Variants in PTPRN2 observed in about 807,000 individuals in gnomAD.
PTPRN2 encodes the protein protein tyrosine phosphatase receptor type N2.
Under a neutral mutation model 118.8 loss-of-function variants are expected in PTPRN2, and 74 were observed. The observed-to-expected ratio is 0.62, with a 90% confidence interval of 0.52 to 0.76. The LOEUF (loss-of-function observed/expected upper bound fraction) is 0.76. Ranked by LOEUF, PTPRN2 falls within the 30% of genes least tolerant of loss-of-function variation. The pLI is 0.00. For synonymous variants in PTPRN2, 641 were observed against 608.0 expected, an observed-to-expected ratio of 1.05 and a Z score of -0.80; for missense variants, 1,481 against 1,394.4, an observed-to-expected ratio of 1.06 and a Z score of -0.99.
chr7:158,530,869 C>G (rs1020616282), intron 1 of PTPRN2, among the ~76,000 whole-genome samples: 1 of 152,130 alleles, frequency 6.6e-6, no homozygotes, highest in Admixed American at 6.5e-5. Context: ...CCAGGAAGGA[C>G]GTTCACTCAG....
chr7:158,336,763 C>G (rs1437062604), intron 2 of PTPRN2, among the ~76,000 whole-genome samples: 1 of 103,746 alleles, frequency 9.6e-6, no homozygotes, highest in Non-Finnish European at 2.2e-5. Flanking sequence ...CCCACAGTCT[C>G]ACCATAAGAG....
chr7:158,279,511 G>A (rs550572602), intron 3 of PTPRN2, among the ~76,000 whole-genome samples: 13 of 152,294 alleles, frequency 8.5e-5, no homozygotes, highest in African/African-American at 3.1e-4. Context: ...GAGGGGAAGC[G>A]AGAAAGAGAC....
chr7:158,140,367 C>T (rs372040837), intron 6 of PTPRN2, among the ~76,000 whole-genome samples: 2 of 152,248 alleles, frequency 1.3e-5, no homozygotes, highest in African/African-American at 2.4e-5. Flanking sequence ...AGTATTTACC[C>T]GAGAGAAGTG....
chr7:158,115,597 C>A (rs746042336), intron 9 of PTPRN2, among the ~76,000 whole-genome samples: 1 of 152,086 alleles, frequency 6.6e-6, no homozygotes, highest in Non-Finnish European at 1.5e-5. Flanking sequence ...CTACAAGAGG[C>A]TCTGTAGATC....
chr7:157,645,280 G>A (rs1048956945), intron 14 of PTPRN2, among the ~76,000 whole-genome samples: 3 of 152,202 alleles, frequency 2.0e-5, no homozygotes, highest in African/African-American at 4.8e-5. Context: ...TCAGTCTCAC[G>A]CAAGCCAGAG....
intron 3 of PTPRN2, among the ~76,000 whole-genome samples, chr7:158,280,915 C>T (rs1327251319): frequency 6.6e-6 from 1 of 152,218 alleles, no homozygotes; most frequent in Non-Finnish European, 1.5e-5. Flanking sequence ...CCTGCGCCGG[C>T]CCACGGCTAC....
chr7:158,515,352 AATTTTTTTATTTTCAGTAG>A (rs1823471698), intron 1 of PTPRN2, among the ~76,000 whole-genome samples: 1 of 151,730 alleles, frequency 6.6e-6, no homozygotes, highest in Admixed American at 6.6e-5. Context: ...ATGCCTGGCT[AATTTTTTTATTTTCAGTAG>A]AGATGGGGTT....
At position 158,351,943 on chromosome 7, in the gene PTPRN2, ACCGCTCCCCTCCTGT is replaced by A. The variant is rs1563190446; in HGVS notation, c.164-35026_164-35012del. ...TCCCCTCCTGTCCGCTCCCCTCCTG[ACCGCTCCCCTCCTGT>A]CCGCTCCCCTCCTGACCGCTCCCCT... On this transcript the variant is annotated intron_variant, in intron 2 of 22. Transcript: ENST00000389418. 6.4e-3 allele frequency among the ~76,000 whole-genome samples: 63 copies of A among 9,784 alleles called. 1 individual carries two copies. The highest frequency in any genetic ancestry group is 0.014 in the African/African-American group (40 of 2,820). 6.4% of individuals were successfully genotyped at this position (9,784 alleles called of 152,430 possible). A position where few individuals can be genotyped will look rare whatever the true frequency, so the allele number is the denominator to read the frequency against.
At chr7:157,781,451 G>T (rs1378236212) in intron 12 of PTPRN2, among the ~76,000 whole-genome samples, 2 of 152,164 alleles carry the variant, frequency 1.3e-5, no homozygotes, top group Non-Finnish European at 2.9e-5. Flanking sequence ...ATCGAATCAG[G>T]CCAGACTCGA....
chr7:158,312,109 C>T (rs985402615), intron 3 of PTPRN2, among the ~76,000 whole-genome samples: 1 of 105,752 alleles, frequency 9.5e-6, no homozygotes, highest in Non-Finnish European at 1.9e-5. Context: ...ATGTAGACGC[C>T]CACACAAGGC....
At chr7:158,031,115 C>T (rs1472477822) in intron 11 of PTPRN2, 1 of 152,240 alleles carries the variant, frequency 6.6e-6, no homozygotes, top group Non-Finnish European at 1.5e-5. Flanking sequence ...ATGAATAAAA[C>T]ACTACTTGCT....
At chr7:157,756,089 T>A (rs1801762153) in intron 12 of PTPRN2, among the ~76,000 whole-genome samples, 1 of 152,148 alleles carries the variant, frequency 6.6e-6, no homozygotes, top group African/African-American at 2.4e-5. Context: ...TAACCAAAAA[T>A]ATACTTGTGA....
Position 157,743,563 on chromosome 7 carries a change from C to A in PTPRN2, c.1789-60626G>T, listed in dbSNP as rs1043428262. On this transcript the variant is annotated intron_variant, in intron 12 of 22. Transcript: ENST00000389418. ...CAGGTTGGCTGAGTTGGGCTCCTGG[C>A]AAGCCATGGCTGGGATAGCTATCTC... 8.6e-5 allele frequency among the ~76,000 whole-genome samples: 13 copies of A among 151,698 alleles called. No homozygotes were observed. The East Asian group carries it at 1.9e-3, about 23-fold the overall frequency.
intron 11 of PTPRN2, among the ~76,000 whole-genome samples, chr7:158,009,793 A>C (rs75588914): frequency 0.023 from 3,549 of 152,344 alleles, 132 homozygotes; most frequent in African/African-American, 0.082. Flanking sequence ...AGGTAACACC[A>C]ACCAAGCATT....
intron 11 of PTPRN2, among the ~76,000 whole-genome samples, chr7:157,920,829 A>G (rs372769943): frequency 6.6e-6 from 1 of 152,176 alleles, no homozygotes; most frequent in African/African-American, 2.4e-5. Flanking sequence ...TACAAAGAAA[A>G]TCTAGGTGAC....
chr7:157,605,871 C>G (rs538445815), intron 15 of PTPRN2, among the ~76,000 whole-genome samples: 2 of 152,384 alleles, frequency 1.3e-5, no homozygotes, highest in South Asian at 2.1e-4. Flanking sequence ...AGTTCCCACT[C>G]TGATCCACAG....
chr7:157,613,560 C>T (rs1802531686), intron 15 of PTPRN2, among the ~76,000 whole-genome samples: 1 of 152,230 alleles, frequency 6.6e-6, no homozygotes, highest in Non-Finnish European at 1.5e-5. Flanking sequence ...GGGCGGGCTC[C>T]TCGCTGAGCC....
At position 158,412,312 on chromosome 7, in the gene PTPRN2, C is replaced by A. The variant is rs374186980; in HGVS notation, c.163+77423G>T. Among the ~76,000 whole-genome samples the A allele has an allele frequency of 2.9e-5, 3 of 104,722 alleles. 1 individual carries two copies. Among genetic ancestry groups the A allele is most frequent in the South Asian group, 4.4e-4 (1 of 2,294 alleles). The allele number at this position is 104,722 out of a possible 152,430, so 68.7% of individuals were successfully genotyped here. A position where few individuals can be genotyped will look rare whatever the true frequency, so the allele number is the denominator to read the frequency against. ...CTCCTCAACACCAGGGCCCATCCAGCGCCCTCCTCAGCACCAGGGCCCATC... is the reference window on the plus strand; with the variant it reads ...CTCCTCAACACCAGGGCCCATCCAGAGCCCTCCTCAGCACCAGGGCCCATC... On this transcript the variant is annotated intron_variant, in intron 2 of 22. Transcript: ENST00000389418.
At chr7:158,424,232 C>T (rs936889552) in intron 2 of PTPRN2, among the ~76,000 whole-genome samples, 2 of 152,182 alleles carry the variant, frequency 1.3e-5, no homozygotes, top group Non-Finnish European at 2.9e-5. Flanking sequence ...GTTCTGTTTT[C>T]GGTGCGGCCC....
Sources: gnomAD v4.1 joint callset for allele counts (sites outside exome capture counted in the v4.1 genomes callset) on GRCh38, gnomAD v4.1.1 for gene constraint, MANE v1.5 for transcripts, NCBI Gene and HGNC (gene_info 2026-07-23, HGNC 2026-07-21) for gene names.